The following OPCML variants were observed in gnomAD, a reference collection of about 807,000 sequenced individuals.
OPCML encodes the protein opioid-binding protein/cell adhesion molecule.
A neutral mutation model predicts 37.8 loss-of-function variants in OPCML; 13 were observed. The ratio of observed to expected loss-of-function variants is 0.34; its 90% confidence interval spans 0.22 to 0.55. OPCML has a LOEUF of 0.55. Ranked by LOEUF, OPCML falls within the 20% of genes least tolerant of loss-of-function variation. OPCML has a pLI of 0.91. For missense variants in OPCML, 341 were observed against 435.6 expected, an observed-to-expected ratio of 0.78 and a Z score of 1.93; for synonymous variants, 176 against 168.8, an observed-to-expected ratio of 1.04 and a Z score of -0.33.
Position 132,499,156 on chromosome 11 carries a change from G to A in OPCML, c.505+29905C>T, listed in dbSNP as rs7931016. ...CTGGACAAGGCCCCTAGGGACTAAT[G>A]GTAGATATGTGATGATTCCAGGTGC... On this transcript the variant is annotated intron_variant, in intron 4 of 7. Transcript: ENST00000524381. Among the ~76,000 whole-genome samples, 1,424 of 152,304 alleles carry A rather than the reference G, an allele frequency of 9.3e-3. 12 individuals are homozygous for A. The highest frequency in any genetic ancestry group is 0.032 in the African/African-American group (1,316 of 41,566).
chr11:133,409,935 G>A (rs2136863593), intron 1 of OPCML, among the ~76,000 whole-genome samples: 1 of 152,172 alleles, frequency 6.6e-6, no homozygotes, highest in South Asian at 2.1e-4. Flanking sequence ...GAACACACAG[G>A]CGGGTCACAT....
chr11:132,957,741 T>C (rs149949709), intron 1 of OPCML, among the ~76,000 whole-genome samples: 1 of 152,262 alleles, frequency 6.6e-6, no homozygotes, highest in African/African-American at 2.4e-5. Context: ...TTATATCTAG[T>C]AGTGATCAGT....
chr11:132,465,155 G>T (rs2096115742), intron 4 of OPCML, among the ~76,000 whole-genome samples: 1 of 152,072 alleles, frequency 6.6e-6, no homozygotes, highest in African/African-American at 2.4e-5. Context: ...CATTTAGGTT[G>T]TTTCCAGTTT....
intron 1 of OPCML, among the ~76,000 whole-genome samples, chr11:133,382,074 C>T (rs1944941674): frequency 6.6e-6 from 1 of 152,214 alleles, no homozygotes; most frequent in Non-Finnish European, 1.5e-5. Context: ...TATGCCTTTT[C>T]TCCATTTGCC....
Position 132,471,535 on chromosome 11 carries a change from G to A in OPCML, c.506-34176C>T, listed in dbSNP as rs533918933. Among the ~76,000 whole-genome samples, 24 of 152,328 alleles carry A rather than the reference G, an allele frequency of 1.6e-4. No individual in the cohort carries two copies. In the South Asian group the frequency reaches 4.6e-3, roughly 29 times the overall value. On this transcript the variant is annotated intron_variant, in intron 4 of 7. Coordinates refer to ENST00000524381, the MANE Select transcript of OPCML (RefSeq NM_001012393.5). ...ATCAGAAAGTTTGCTTGGGGCTGGA[G>A]GACCTGATTCAAGTTGGCTCACTCT... is the stretch of plus-strand genomic sequence containing the variant.
chr11:133,492,346 C>G (rs1051595667), intron 1 of OPCML, among the ~76,000 whole-genome samples: 1 of 152,012 alleles, frequency 6.6e-6, no homozygotes, highest in African/African-American at 2.4e-5. Flanking sequence ...GCCTTTTTTT[C>G]TTTTAGTACT....
At chr11:132,541,448 A>C (rs763791588) in intron 3 of OPCML, among the ~76,000 whole-genome samples, 17 of 152,124 alleles carry the variant, frequency 1.1e-4, no homozygotes, top group Non-Finnish European at 2.4e-4. Context: ...TGAATATAAA[A>C]GGGTTTTTGT....
Position 133,461,007 on chromosome 11 carries a change from T to A in OPCML, c.61+71257A>T, listed in dbSNP as rs116634788. Among the ~76,000 whole-genome samples, 349 of 151,868 alleles carry A rather than the reference T, an allele frequency of 2.3e-3. 1 individual carries two copies. The highest frequency in any genetic ancestry group is 7.7e-3 in the African/African-American group (318 of 41,508). On this transcript the variant is annotated intron_variant, in intron 1 of 7. Transcript: ENST00000524381. ...AAAACACATGATCATTTCATTTGAG[T>A]CAGAAAAAGCATTTGACAAAATTTA... is the stretch of plus-strand genomic sequence containing the variant.
At chr11:132,595,577 G>A (rs2096491213) in intron 3 of OPCML, among the ~76,000 whole-genome samples, 1 of 152,170 alleles carries the variant, frequency 6.6e-6, no homozygotes, top group African/African-American at 2.4e-5. Context: ...CACTGGAAAG[G>A]TAAAGGCATC....
Position 132,494,236 on chromosome 11 carries a change from C to T in OPCML, c.505+34825G>A, listed in dbSNP as rs1345458552. On this transcript the variant is annotated intron_variant, in intron 4 of 7. Transcript: ENST00000524381. ...AACGTGTTGGGTTTGTCTTCCCATA[C>T]TGCTGTGAATCATGCATATGCCTCA... is the stretch of plus-strand genomic sequence containing the variant. 2.6e-5 allele frequency among the ~76,000 whole-genome samples: 4 copies of T among 152,344 alleles called. 1 individual carries two copies. The South Asian group carries it at 8.3e-4, about 32-fold the overall frequency.
intron 2 of OPCML, among the ~76,000 whole-genome samples, chr11:132,667,724 G>A (rs979654923): frequency 1.3e-5 from 2 of 152,132 alleles, no homozygotes; most frequent in Admixed American, 6.5e-5. Context: ...ATCAGTTGAA[G>A]GTAAATGGAA....
chr11:133,366,985 CT>C (rs1005265342), intron 1 of OPCML, among the ~76,000 whole-genome samples: 1 of 151,246 alleles, frequency 6.6e-6, no homozygotes, highest in African/African-American at 2.4e-5. Context: ...AATGCACTTT[CT>C]TTTTTTTTGG....
chr11:132,493,784 T>C (rs1432532229), intron 4 of OPCML, among the ~76,000 whole-genome samples: 1 of 152,256 alleles, frequency 6.6e-6, no homozygotes, highest in Non-Finnish European at 1.5e-5. Flanking sequence ...CTAACATTAA[T>C]AATACATAGT....
intron 3 of OPCML, among the ~76,000 whole-genome samples, chr11:132,558,075 G>A (rs2096400028): frequency 6.6e-6 from 1 of 151,866 alleles, no homozygotes; most frequent in South Asian, 2.1e-4. Context: ...ATTGAAGAGT[G>A]GGTACCAGCC....
chr11:133,106,494 T>C (rs1487076314), intron 1 of OPCML, among the ~76,000 whole-genome samples: 1 of 152,218 alleles, frequency 6.6e-6, no homozygotes, highest in Non-Finnish European at 1.5e-5. Flanking sequence ...CGCATCCTTG[T>C]TTTCTAAAGA....
intron 3 of OPCML, among the ~76,000 whole-genome samples, chr11:132,552,917 C>T (rs2096385576): frequency 6.6e-6 from 1 of 151,880 alleles, no homozygotes; most frequent in South Asian, 2.1e-4. Context: ...AGGTGCCCGC[C>T]ACCATGCCTG....
At chr11:133,258,274 A>G (rs551876205) in intron 1 of OPCML, among the ~76,000 whole-genome samples, 30 of 152,308 alleles carry the variant, frequency 2.0e-4, no homozygotes, top group African/African-American at 7.2e-4. Flanking sequence ...AGAGTGGCAA[A>G]GATCTTTTTA....
In OPCML at chr11:132,749,878, G is replaced by T. The variant is rs750288403; in HGVS notation, c.147-92559C>A. Among the ~76,000 whole-genome samples the T allele has an allele frequency of 1.2e-3, 189 of 152,106 alleles. 1 individual carries two copies. The highest frequency in any genetic ancestry group is 2.4e-3 in the Admixed American group (36 of 15,246). ...AATTTGTTTATTTATTTATTTATTT[G>T]TATTTATTTATTTATTTTTATGTGG... On this transcript the variant is annotated intron_variant, in intron 2 of 7. Transcript: ENST00000524381.
At chr11:133,019,547 T>C (rs1395618616) in intron 1 of OPCML, among the ~76,000 whole-genome samples, 1 of 152,222 alleles carries the variant, frequency 6.6e-6, no homozygotes, top group Non-Finnish European at 1.5e-5. Context: ...TATTCTTAAT[T>C]ATGTTCATTG....
Sources: gnomAD v4.1 joint callset for allele counts (sites outside exome capture counted in the v4.1 genomes callset) on GRCh38, gnomAD v4.1.1 for gene constraint, MANE v1.5 for transcripts, NCBI Gene and HGNC (gene_info 2026-07-23, HGNC 2026-07-21) for gene names.